AGBL4: variants seen among roughly 807,000 people sequenced by gnomAD.
AGBL4 encodes cytosolic carboxypeptidase 6.
Under a neutral mutation model 66.4 loss-of-function variants are expected in AGBL4, and 58 were observed. That is an observed-to-expected ratio of 0.87 (90% CI 0.71 to 1.09). The LOEUF (loss-of-function observed/expected upper bound fraction) is 1.09, where lower values mean the gene tolerates loss of function less well. AGBL4 is among the 50% of genes least tolerant of loss of function. The pLI, the probability that AGBL4 is intolerant of heterozygous loss-of-function variation, is 0.00. For missense variants in AGBL4, 579 were observed against 631.0 expected, an observed-to-expected ratio of 0.92 and a Z score of 0.88; for synonymous variants, 234 against 222.9, an observed-to-expected ratio of 1.05 and a Z score of -0.44.
intron 3 of AGBL4, among the ~76,000 whole-genome samples, chr1:49,658,117 C>G (rs577017242): frequency 2.2e-4 from 33 of 152,068 alleles, no homozygotes; most frequent in East Asian, 5.8e-4. Flanking sequence ...ATCTGACAAA[C>G]GGCTAATCTC....
At chr1:49,062,097 G>C (rs375331639) in intron 4 of AGBL4, among the ~76,000 whole-genome samples, 1 of 152,136 alleles carries the variant, frequency 6.6e-6, no homozygotes. Flanking sequence ...CTCCTTATGA[G>C]AATCTAACTA....
At chr1:49,831,892 T>C (rs1402613985) in intron 2 of AGBL4, among the ~76,000 whole-genome samples, 2 of 152,202 alleles carry the variant, frequency 1.3e-5, no homozygotes, top group South Asian at 4.1e-4. Context: ...TTGGTTCTGT[T>C]TATGTGATGA....
At position 48,880,702 on chromosome 1, in the gene AGBL4, T is replaced by C. The variant is rs181411096; in HGVS notation, c.595-13472A>G. Among the ~76,000 whole-genome samples the C allele has an allele frequency of 4.6e-5, 7 of 152,310 alleles. No individual in the cohort carries two copies. The East Asian group carries it at 1.4e-3, about 29-fold the overall frequency. On this transcript the variant is annotated intron_variant, in intron 5 of 13. Coordinates refer to ENST00000371839, the MANE Select transcript of AGBL4 (RefSeq NM_032785.4). ...TATCACATTGTGGTTTTGATTTGCATTTCCATGATCATTAGTGACCAACAG... is the reference window on the plus strand; with the variant it reads ...TATCACATTGTGGTTTTGATTTGCACTTCCATGATCATTAGTGACCAACAG...
intron 3 of AGBL4, among the ~76,000 whole-genome samples, chr1:49,405,078 G>T (rs948016259): frequency 1.3e-5 from 2 of 152,050 alleles, no homozygotes; most frequent in African/African-American, 4.8e-5. Flanking sequence ...ATCAACTTTT[G>T]CCTATTCTCT....
chr1:49,268,061 A>C (rs1462338081), intron 3 of AGBL4: 2 of 152,150 alleles, frequency 1.3e-5, no homozygotes, highest in Non-Finnish European at 2.9e-5. Context: ...GCTTTCTTTA[A>C]ACCTATTATT....
intron 3 of AGBL4, among the ~76,000 whole-genome samples, chr1:49,246,338 G>A (rs1211291639): frequency 6.6e-6 from 1 of 151,604 alleles, no homozygotes; most frequent in African/African-American, 2.4e-5. Flanking sequence ...TTATCATCAG[G>A]GTAAGAGTAG....
At chr1:49,809,372 A>G (rs967692481) in intron 2 of AGBL4, among the ~76,000 whole-genome samples, 6 of 142,910 alleles carry the variant, frequency 4.2e-5, no homozygotes, top group East Asian at 2.1e-4. Flanking sequence ...TCATTGTTCA[A>G]TTCCCACTAT....
intron 6 of AGBL4, among the ~76,000 whole-genome samples, chr1:48,696,005 C>A (rs1183462053): frequency 6.6e-6 from 1 of 152,164 alleles, no homozygotes; most frequent in African/African-American, 2.4e-5. Flanking sequence ...AGGGCCTTCT[C>A]ATTAGGAGCA....
At chr1:49,709,846 T>G (rs1235942031) in intron 2 of AGBL4, among the ~76,000 whole-genome samples, 1 of 152,058 alleles carries the variant, frequency 6.6e-6, no homozygotes, top group Non-Finnish European at 1.5e-5. Context: ...GAAAAAAAGC[T>G]CATCATCAAT....
Position 48,736,545 on chromosome 1 carries a change from G to T in AGBL4, c.635-73304C>A. ...CTTTAAAAAGCATTGCTGCACAACT[G>T]TAAGAGATTCATGTCATAAATATGA... On this transcript the variant is annotated intron_variant, in intron 6 of 13. Coordinates refer to ENST00000371839, the MANE Select transcript of AGBL4 (RefSeq NM_032785.4). The surrounding 1 kb of genome is among the most constrained non-coding windows in gnomAD (Gnocchi z 4.0). The T allele has an allele frequency of 9.3e-7, 1 of 1,069,520 alleles. No homozygotes were observed. Among genetic ancestry groups the T allele is most frequent in the Non-Finnish European group, 1.4e-6 (1 of 712,644 alleles). The allele number at this position is 1,069,520 out of a possible 1,614,324, so 66.3% of individuals were successfully genotyped here.
At chr1:49,993,716 T>A (rs763597275) in intron 1 of AGBL4, among the ~76,000 whole-genome samples, 53 of 152,164 alleles carry the variant, frequency 3.5e-4, no homozygotes, top group Non-Finnish European at 7.2e-4. Context: ...TGGTCCCTTT[T>A]CTTCTTACAT....
intron 5 of AGBL4, among the ~76,000 whole-genome samples, chr1:48,970,810 C>T (rs985546041): frequency 6.6e-6 from 1 of 152,102 alleles, no homozygotes; most frequent in East Asian, 1.9e-4. Flanking sequence ...ATGAGTGCTA[C>T]TTCCGGCAGA....
intron 5 of AGBL4, among the ~76,000 whole-genome samples, chr1:48,972,062 G>T (rs532955940): frequency 6.6e-6 from 1 of 152,156 alleles, no homozygotes; most frequent in Non-Finnish European, 1.5e-5. Context: ...CATGACTATG[G>T]GTCAGTAATT....
chr1:49,422,759 G>T (rs1399780286), intron 3 of AGBL4, among the ~76,000 whole-genome samples: 2 of 151,962 alleles, frequency 1.3e-5, no homozygotes, highest in Non-Finnish European at 2.9e-5. Flanking sequence ...CTTTCTTTAG[G>T]AAGCTATTCT....
intron 3 of AGBL4, among the ~76,000 whole-genome samples, chr1:49,315,684 CT>C: frequency 6.6e-6 from 1 of 152,064 alleles, no homozygotes; most frequent in Non-Finnish European, 1.5e-5. Context: ...AGTACATCTA[CT>C]TTGGGAGATA....
intron 3 of AGBL4, among the ~76,000 whole-genome samples, chr1:49,319,106 C>T (rs968459882): frequency 1.3e-4 from 20 of 152,228 alleles, no homozygotes; most frequent in African/African-American, 4.3e-4. Context: ...ATGTACAATG[C>T]TGAACACTTT....
At chr1:49,484,216 C>T (rs1379919811) in intron 3 of AGBL4, among the ~76,000 whole-genome samples, 2 of 151,780 alleles carry the variant, frequency 1.3e-5, no homozygotes, top group African/African-American at 4.8e-5. Context: ...ACAGATAGAG[C>T]TATGTTATGA....
chr1:49,248,011 T>C (rs1168326462), intron 3 of AGBL4, among the ~76,000 whole-genome samples: 3 of 152,166 alleles, frequency 2.0e-5, no homozygotes, highest in African/African-American at 7.2e-5. Flanking sequence ...AGTAACATCA[T>C]TTCTTACCAT....
intron 5 of AGBL4, among the ~76,000 whole-genome samples, chr1:48,897,912 C>G (rs1018045482): frequency 2.7e-5 from 4 of 150,240 alleles, no homozygotes; most frequent in Non-Finnish European, 5.9e-5. Context: ...TGGGTTCAAG[C>G]GATTCTCCTG....
Sources: gnomAD v4.1 joint callset for allele counts (sites outside exome capture counted in the v4.1 genomes callset) on GRCh38, gnomAD v4.1.1 for gene constraint, Gnocchi (gnomAD v3.1) non-coding constraint, MANE v1.5 for transcripts, NCBI Gene and HGNC (gene_info 2026-07-23, HGNC 2026-07-21) for gene names.